Variants in SMURF1 observed in about 807,000 individuals in gnomAD.
SMURF1 encodes SMAD specific E3 ubiquitin protein ligase 1.
In SMURF1, 44 loss-of-function variants were observed where a neutral mutation model predicts 98.0. That is an observed-to-expected ratio of 0.45 (90% CI 0.35 to 0.58). The LOEUF (loss-of-function observed/expected upper bound fraction) is 0.58. Among genes scored for constraint, SMURF1 ranks in the 20% least tolerant of loss-of-function variants. SMURF1 has a pLI of 0.00. For missense variants in SMURF1, 687 were observed against 938.4 expected, an observed-to-expected ratio of 0.73 and a Z score of 3.50; for synonymous variants, 396 against 374.9, an observed-to-expected ratio of 1.06 and a Z score of -0.65.
At position 99,040,402 on chromosome 7, in the gene SMURF1, A is replaced by C; in HGVS notation, c.1526T>G (p.Leu509Arg). The change falls in exon 13 of 18, where the codon CTG (leucine) becomes CGG (arginine). Residue 509 changes from leucine to arginine, a missense_variant. This residue lies in a region of SMURF1 where 272 missense variants were observed against 430.0 expected (regional missense o/e 0.63). Coordinates refer to ENST00000361368, the MANE Select transcript of SMURF1 (RefSeq NM_181349.3). ...LSDLESVDPE[L>R]HKSLVWILEN... ...CAGGATCCACACCAAGCTCTTATGCAGCTCTGGGTCCACAGATTCCAGATC... is the reference window on the plus strand; with the variant it reads ...CAGGATCCACACCAAGCTCTTATGCCGCTCTGGGTCCACAGATTCCAGATC... The C allele has an allele frequency of 6.4e-7, 1 of 1,553,878 alleles. No individual in the cohort carries two copies. The highest frequency in any genetic ancestry group is 8.7e-7 in the Non-Finnish European group (1 of 1,151,504).
intron 13 of SMURF1, 74 bp from the exon 14 acceptor site, chr7:99,038,599 T>C (rs889172460): frequency 1.9e-6 from 3 of 1,546,168 alleles, no homozygotes; most frequent in African/African-American, 1.4e-5. Context: ...ACAGAAAACA[T>C]TTACGACTGC....
At chr7:99,086,155 G>A (rs1796673576) in intron 1 of SMURF1, among the ~76,000 whole-genome samples, 1 of 151,762 alleles carries the variant, frequency 6.6e-6, no homozygotes, top group African/African-American at 2.4e-5. Context: ...AGACCAGCCT[G>A]GCCAACATGG....
chr7:99,030,784 G>T lies in SMURF1; in HGVS notation c.2097-101C>A. The T allele has an allele frequency of 6.3e-6, 5 of 788,312 alleles. No homozygotes were observed. In the South Asian group the frequency reaches 6.5e-5, roughly 10 times the overall value. The allele number at this position is 788,312 out of a possible 1,614,324, so 48.8% of individuals were successfully genotyped here. A position where few individuals can be genotyped will look rare whatever the true frequency, so the allele number is the denominator to read the frequency against. On this transcript the variant is annotated intron_variant, in intron 17 of 17. Coordinates refer to ENST00000361368, the MANE Select transcript of SMURF1 (RefSeq NM_181349.3). ...TGAGAAGTATATGTGGGAGGGGAGA[G>T]GAATGGGGGGTGGGGCAGGGTTGGT...
At chr7:99,100,735 G>A (rs886591305) in intron 1 of SMURF1, among the ~76,000 whole-genome samples, 1 of 152,096 alleles carries the variant, frequency 6.6e-6, no homozygotes, top group Non-Finnish European at 1.5e-5. Flanking sequence ...GTTAATACTG[G>A]AAACATTCTA....
At chr7:99,074,309 T>G (rs1296393484) in intron 1 of SMURF1, among the ~76,000 whole-genome samples, 1 of 152,194 alleles carries the variant, frequency 6.6e-6, no homozygotes, top group Non-Finnish European at 1.5e-5. Context: ...TTCAGTGAGC[T>G]GTACACTCAG....
chr7:99,041,717 G>A (rs2150510918), intron 12 of SMURF1, among the ~76,000 whole-genome samples: 1 of 152,338 alleles, frequency 6.6e-6, no homozygotes, highest in Middle Eastern at 3.4e-3. Flanking sequence ...AGCACGCTAA[G>A]GGTGGCAGCA....
At chr7:99,085,898 G>T (rs1030058771) in intron 1 of SMURF1, among the ~76,000 whole-genome samples, 6 of 152,026 alleles carry the variant, frequency 3.9e-5, no homozygotes, top group African/African-American at 1.5e-4. Context: ...TTACAAATCA[G>T]CAATAAAAAG....
intron 1 of SMURF1, among the ~76,000 whole-genome samples, chr7:99,140,223 A>G (rs1311172704): frequency 6.8e-6 from 1 of 147,776 alleles, no homozygotes; most frequent in Non-Finnish European, 1.5e-5. Flanking sequence ...CTAATGCCCT[A>G]TTCACCCCCA....
At chr7:99,074,070 C>T (rs1796395621) in intron 1 of SMURF1, among the ~76,000 whole-genome samples, 1 of 152,176 alleles carries the variant, frequency 6.6e-6, no homozygotes, top group South Asian at 2.1e-4. Flanking sequence ...ATCTCACAAA[C>T]ATAATATTCA....
chr7:99,102,504 G>C (rs925414031), intron 1 of SMURF1, among the ~76,000 whole-genome samples: 1 of 152,144 alleles, frequency 6.6e-6, no homozygotes, highest in South Asian at 2.1e-4. Context: ...TTCCAGAAAA[G>C]CTGCCTTGTC....
intron 16 of SMURF1, among the ~76,000 whole-genome samples, chr7:99,033,923 C>T (rs73145621): frequency 0.03 from 4,590 of 152,336 alleles, 102 homozygotes; most frequent in South Asian, 0.058. Context: ...GCAGAGGGCA[C>T]GGGCCTTGGC....
chr7:99,038,782 A>G (rs568010331), intron 13 of SMURF1, among the ~76,000 whole-genome samples: 24 of 152,246 alleles, frequency 1.6e-4, no homozygotes, highest in African/African-American at 4.8e-4. Context: ...CCATCCTGTG[A>G]TTTCAGGGGA....
At chr7:99,095,842 C>G (rs545308757) in intron 1 of SMURF1, among the ~76,000 whole-genome samples, 1 of 152,186 alleles carries the variant, frequency 6.6e-6, no homozygotes, top group East Asian at 1.9e-4. Flanking sequence ...AGAAATGTAT[C>G]GTCTCACAGT....
intron 1 of SMURF1, among the ~76,000 whole-genome samples, chr7:99,122,804 TTTTGGACAACCACTGGTGTTGCACTTGGG>T (rs1797669450): frequency 6.6e-6 from 1 of 150,978 alleles, no homozygotes; most frequent in African/African-American, 2.4e-5. Context: ...TCTCTGTGTC[TTTTGGACAACCACTGGTGTTGCACTTGGG>T]AACTGTTCAA....
At chr7:99,076,298 A>G (rs996926262) in intron 1 of SMURF1, among the ~76,000 whole-genome samples, 1 of 152,218 alleles carries the variant, frequency 6.6e-6, no homozygotes, top group African/African-American at 2.4e-5. Context: ...CAGTGGAGAA[A>G]CCTGACGAAC....
At chr7:99,040,764 A>C (rs1795345628) in intron 12 of SMURF1, among the ~76,000 whole-genome samples, 1 of 152,190 alleles carries the variant, frequency 6.6e-6, no homozygotes, top group Non-Finnish European at 1.5e-5. Context: ...AGCGTTTTGT[A>C]TGCTCTCAGG....
intron 9 of SMURF1, 31 bp downstream of exon 9, chr7:99,049,532 A>T (rs1195372380): frequency 1.2e-6 from 2 of 1,602,622 alleles, no homozygotes; most frequent in Non-Finnish European, 1.7e-6. Context: ...CCAATGAAAG[A>T]GGTCAGCAAA....
chr7:99,078,668 A>T (rs993590889), intron 1 of SMURF1, among the ~76,000 whole-genome samples: 14 of 152,150 alleles, frequency 9.2e-5, no homozygotes, highest in Non-Finnish European at 4.4e-5. Flanking sequence ...TTTGATTCTC[A>T]TAGGAGCATG....
chr7:99,051,514 C>T, intron 7 of SMURF1, 73 bp from the exon 8 acceptor site: 1 of 1,140,054 alleles, frequency 8.8e-7, no homozygotes, highest in Non-Finnish European at 1.3e-6. Context: ...CCCTCGATGC[C>T]CTCACGTCTG....
Sources: gnomAD v4.1 joint callset for allele counts (sites outside exome capture counted in the v4.1 genomes callset) on GRCh38, gnomAD v4.1.1 for gene constraint, gnomAD v4.1.1 regional missense constraint, MANE v1.5 for transcripts, NCBI Gene and HGNC (gene_info 2026-07-23, HGNC 2026-07-21) for gene names.